Variants in SIAH1 observed in about 807,000 individuals in gnomAD.
SIAH1 encodes siah E3 ubiquitin protein ligase 1.
A neutral mutation model predicts 20.0 loss-of-function variants in SIAH1; 2 were observed. That is an observed-to-expected ratio of 0.10 (90% CI 0.04 to 0.31). SIAH1 has a LOEUF of 0.31. Ranked by LOEUF, SIAH1 falls within the 10% of genes least tolerant of loss-of-function variation. The pLI, the probability that SIAH1 is intolerant of heterozygous loss-of-function variation, is 1.00. For missense variants in SIAH1, 119 were observed against 355.3 expected (o/e 0.33, Z 5.35); for synonymous variants, 118 against 125.3 (o/e 0.94, Z 0.39).
At chr16:48,370,329 T>C (rs1960951120) in intron 1 of SIAH1, among the ~76,000 whole-genome samples, 1 of 151,636 alleles carries the variant, frequency 6.6e-6, no homozygotes, top group Non-Finnish European at 1.5e-5. Flanking sequence ...GGACCTTGGT[T>C]GTTGGTTTTG....
chr16:48,379,100 C>G (rs188788698), intron 1 of SIAH1, among the ~76,000 whole-genome samples: 1 of 152,294 alleles, frequency 6.6e-6, no homozygotes, highest in East Asian at 1.9e-4. Context: ...TAGGCAGTGT[C>G]TCTGCTCTCA....
rs1960888941 is a variant in SIAH1, at chr16:48,368,175, T to G, written c.-2-5745A>C. On this transcript the variant is annotated intron_variant, in intron 1 of 1. Transcript: ENST00000394725. ...AATCATAATATATTGTAAATGAAGT[T>G]ACAAATAGAACACAGACGTGAGGGA... 2.6e-5 allele frequency among the ~76,000 whole-genome samples: 4 copies of G among 152,224 alleles called. No individual in the cohort carries two copies. The South Asian group carries it at 6.2e-4, about 24-fold the overall frequency.
chr16:48,384,969 G>A (rs1362880197), intron 1 of SIAH1, among the ~76,000 whole-genome samples: 1 of 146,344 alleles, frequency 6.8e-6, no homozygotes, highest in Non-Finnish European at 1.5e-5. Context: ...GCCGGGCCCG[G>A]GGCTCCAGGG....
intron 1 of SIAH1, among the ~76,000 whole-genome samples, chr16:48,373,679 T>TG (rs1567373607): frequency 6.6e-6 from 1 of 152,186 alleles, no homozygotes; most frequent in African/African-American, 2.4e-5. Flanking sequence ...GCACAGCAAT[T>TG]AGATTAATTA....
chr16:48,385,915 G>T (rs1321072680), upstream of SIAH1, among the ~76,000 whole-genome samples: 1 of 152,106 alleles, frequency 6.6e-6, no homozygotes, highest in Non-Finnish European at 1.5e-5. Context: ...TGCCCTGCCC[G>T]CCGACCGGGA....
In SIAH1 at chr16:48,361,257, A is replaced by G. The variant is rs963953122; in HGVS notation, c.*323T>C. ...CAGGCACACACTCCCACGCAAAAAC[A>G]AACTTTTTCAACAATACAATCAATC... On this transcript the variant is annotated 3_prime_UTR_variant, in exon 2 of 2. Coordinates refer to ENST00000394725, the MANE Select transcript of SIAH1 (RefSeq NM_003031.4). The G allele has an allele frequency of 2.1e-5, 6 of 281,726 alleles. No individual in the cohort carries two copies. The highest frequency in any genetic ancestry group is 1.3e-4 in the African/African-American group (6 of 44,922). 17.5% of individuals were successfully genotyped at this position (281,726 alleles called of 1,614,324 possible).
chr16:48,379,547 G>A (rs913118988), intron 1 of SIAH1, among the ~76,000 whole-genome samples: 3 of 152,208 alleles, frequency 2.0e-5, no homozygotes, highest in African/African-American at 7.2e-5. Flanking sequence ...AATAAGGACA[G>A]TGTGGAGTCA....
chr16:48,378,393 A>G (rs552605623), intron 1 of SIAH1, among the ~76,000 whole-genome samples: 2 of 152,182 alleles, frequency 1.3e-5, no homozygotes, highest in Non-Finnish European at 2.9e-5. Context: ...AAAGAGTACA[A>G]ACTCTACTGT....
At chr16:48,383,542 C>A (rs1597035552) in intron 1 of SIAH1, among the ~76,000 whole-genome samples, 1 of 152,256 alleles carries the variant, frequency 6.6e-6, no homozygotes, top group East Asian at 1.9e-4. Context: ...GATACACACT[C>A]AAGTATTCAC....
At chr16:48,383,346 A>T (rs1204370229) in intron 1 of SIAH1, among the ~76,000 whole-genome samples, 1 of 152,184 alleles carries the variant, frequency 6.6e-6, no homozygotes, top group Non-Finnish European at 1.5e-5. Context: ...ACACTACACA[A>T]CCAATTTGTG....
chr16:48,365,573 G>C (rs751997380), intron 1 of SIAH1: 179 of 1,509,500 alleles, frequency 1.2e-4, no homozygotes, highest in Admixed American at 1.7e-4. Context: ...ACCCAAATTC[G>C]CGTCTGAGGT....
At chr16:48,375,333 G>A (rs916854044) in intron 1 of SIAH1, among the ~76,000 whole-genome samples, 4 of 152,182 alleles carry the variant, frequency 2.6e-5, no homozygotes, top group Admixed American at 1.3e-4. Flanking sequence ...AGAATCAACT[G>A]TTTAAACGGG....
Position 48,361,476 on chromosome 16 carries a change from G to T in SIAH1, c.*104C>A. The T allele has an allele frequency of 8.9e-7, 1 of 1,127,042 alleles. No individual in the cohort carries two copies. Among genetic ancestry groups the T allele is most frequent in the Non-Finnish European group, 1.3e-6 (1 of 756,526 alleles). 69.8% of individuals were successfully genotyped at this position (1,127,042 alleles called of 1,614,324 possible). On this transcript the variant is annotated 3_prime_UTR_variant, in exon 2 of 2. Transcript: ENST00000394725. ...CTTTTTATTTACCTTCATGTGTCTAGCTTCCACCTACCGAAAGAGTTTTAG... is the reference window on the plus strand; with the variant it reads ...CTTTTTATTTACCTTCATGTGTCTATCTTCCACCTACCGAAAGAGTTTTAG...
At chr16:48,364,684 A>G (rs747387818) in intron 1 of SIAH1, among the ~76,000 whole-genome samples, 29 of 152,240 alleles carry the variant, frequency 1.9e-4, no homozygotes, top group Non-Finnish European at 3.7e-4. Flanking sequence ...CAGTGGGCTC[A>G]GCATTGCCAA....
At chr16:48,382,953 G>A (rs980773196) in intron 1 of SIAH1, among the ~76,000 whole-genome samples, 1 of 152,188 alleles carries the variant, frequency 6.6e-6, no homozygotes, top group Admixed American at 6.5e-5. Flanking sequence ...GACATAGCTA[G>A]ATAATTCCTT....
At chr16:48,365,977 C>T (rs1198894641) in intron 1 of SIAH1, 1 of 1,074,108 alleles carries the variant, frequency 9.3e-7, no homozygotes, top group Non-Finnish European at 1.2e-6. Context: ...GGCGCCAGGG[C>T]CAGTTCAGGG....
chr16:48,382,342 C>G (rs558307056), intron 1 of SIAH1, among the ~76,000 whole-genome samples: 9 of 152,128 alleles, frequency 5.9e-5, no homozygotes, highest in Admixed American at 5.2e-4. Context: ...TATGACATCA[C>G]CACTGCACTC....
At position 48,373,629 on chromosome 16, in the gene SIAH1, C is replaced by T. The variant is rs146446945; in HGVS notation, c.-2-11199G>A. Among the ~76,000 whole-genome samples, 7 of 152,286 alleles carry T rather than the reference C, an allele frequency of 4.6e-5. 1 individual carries two copies. The highest frequency in any genetic ancestry group is 1.7e-4 in the African/African-American group (7 of 41,552). ...ATCCTCCCAACCAGTCTCATTGTTC[C>T]CAGCTATGTCTCCCACCCTCACCAC... On this transcript the variant is annotated intron_variant, in intron 1 of 1. Coordinates refer to ENST00000394725, the MANE Select transcript of SIAH1 (RefSeq NM_003031.4).
chr16:48,370,575 T>C (rs1025948536), intron 1 of SIAH1, among the ~76,000 whole-genome samples: 2 of 152,086 alleles, frequency 1.3e-5, no homozygotes, highest in East Asian at 1.9e-4. Context: ...TCCCAGCACT[T>C]TGGGAGGCTG....
Sources: gnomAD v4.1 joint callset for allele counts (sites outside exome capture counted in the v4.1 genomes callset) on GRCh38, gnomAD v4.1.1 for gene constraint, MANE v1.5 for transcripts, NCBI Gene and HGNC (gene_info 2026-07-23, HGNC 2026-07-21) for gene names.